MYEF2: variants seen among roughly 807,000 people sequenced by gnomAD.
MYEF2 encodes myelin expression factor 2, also known as myelin gene expression factor 2.
MYEF2 carries 37 observed loss-of-function variants against 75.2 expected under a neutral mutation model. That is an observed-to-expected ratio of 0.49 (90% CI 0.38 to 0.65). MYEF2 has a LOEUF of 0.65. MYEF2 is among the 30% of genes least tolerant of loss of function. The pLI, the probability that MYEF2 is intolerant of heterozygous loss-of-function variation, is 0.00. For missense variants in MYEF2, 634 were observed against 771.4 expected, an observed-to-expected ratio of 0.82 and a Z score of 2.11; for synonymous variants, 195 against 241.6, an observed-to-expected ratio of 0.81 and a Z score of 1.79.
At chr15:48,151,649 T>C in intron 12 of MYEF2, 78 bp from the exon 13 acceptor site, 1 of 1,380,848 alleles carries the variant, frequency 7.2e-7, no homozygotes, top group East Asian at 2.3e-5. Context: ...GTATCTAAAT[T>C]ATGAAAAGAC....
In MYEF2 at chr15:48,168,848, TA is replaced by T; in HGVS notation, c.162-10del. On this transcript the variant is annotated splice_polypyrimidine_tract_variant and intron_variant, in intron 1 of 16. Coordinates refer to ENST00000324324, the MANE Select transcript of MYEF2 (RefSeq NM_016132.5). ...CTGATTCATCATTCTCCCTGTGAATTAAAAAAAGTCAAACAAACAAAAACCC... is the reference window on the plus strand; with the variant it reads ...CTGATTCATCATTCTCCCTGTGAATTAAAAAAGTCAAACAAACAAAAACCC... The T allele has an allele frequency of 1.2e-6, 2 of 1,600,102 alleles. No individual in the cohort carries two copies. Among genetic ancestry groups the T allele is most frequent in the Non-Finnish European group, 1.7e-6 (2 of 1,171,442 alleles).
Position 48,136,752 on chromosome 15 carries a change from T to C in MYEF2, c.*6156A>G. The C allele has an allele frequency of 1.9e-6, 3 of 1,613,580 alleles. No homozygotes were observed. Among genetic ancestry groups the C allele is most frequent in the Non-Finnish European group, 2.5e-6 (3 of 1,179,758 alleles). On this transcript the variant is annotated 3_prime_UTR_variant, in exon 17 of 17. Coordinates refer to ENST00000324324, the MANE Select transcript of MYEF2 (RefSeq NM_016132.5). Reference sequence around the variant, plus strand: ...TGGTGCTGTGTTTTGACATTAAAATTAACCAATATATTATAAAGAAATGCA... The same window carrying C: ...TGGTGCTGTGTTTTGACATTAAAATCAACCAATATATTATAAAGAAATGCA...
chr15:48,135,213 C>T lies in MYEF2; in HGVS notation c.*7695G>A, dbSNP rs1375330454. The T allele has an allele frequency of 8.5e-6, 3 of 354,332 alleles. No homozygotes were observed. In the Admixed American group the frequency reaches 1.2e-4, roughly 15 times the overall value. The allele number at this position is 354,332 out of a possible 1,614,324, so 21.9% of individuals were successfully genotyped here. Reference sequence around the variant, plus strand: ...GTCTCCTTTTTTCTCTCACTAGTCACTGGAGACCACCACTTTTCCTTCTCC... The same window carrying T: ...GTCTCCTTTTTTCTCTCACTAGTCATTGGAGACCACCACTTTTCCTTCTCC... On this transcript the variant is annotated 3_prime_UTR_variant, in exon 17 of 17. Transcript: ENST00000324324.
Position 48,141,911 on chromosome 15 carries a change from A to ATTTTT in MYEF2, c.*996_*997insAAAAA. On this transcript the variant is annotated 3_prime_UTR_variant, in exon 17 of 17. Coordinates refer to ENST00000324324, the MANE Select transcript of MYEF2 (RefSeq NM_016132.5). ...ATTCAGTAAGACTTTTGCTCTAACA[A>ATTTTT]CAATTTTTCAAAACGAATCAACAAC... 1.3e-6 allele frequency: 1 copy of ATTTTT among 746,376 alleles called. No individual in the cohort carries two copies. Among genetic ancestry groups the ATTTTT allele is most frequent in the Admixed American group, 2.7e-5 (1 of 36,920 alleles). The allele number at this position is 746,376 out of a possible 1,614,324, so 46.2% of individuals were successfully genotyped here.
chr15:48,139,357 A>G lies in MYEF2; in HGVS notation c.*3551T>C, dbSNP rs2038984423. On this transcript the variant is annotated 3_prime_UTR_variant, in exon 17 of 17. Transcript: ENST00000324324. ...GATCACTGGAGTTTGTGAGTTGCAT[A>G]TTATATATAAACTGTATTTTCCACT... is the stretch of plus-strand genomic sequence containing the variant. 3.8e-6 allele frequency: 2 copies of G among 528,712 alleles called. No homozygotes were observed. Among genetic ancestry groups the G allele is most frequent in the Non-Finnish European group, 6.7e-6 (2 of 296,966 alleles). The allele number at this position is 528,712 out of a possible 1,614,324, so 32.8% of individuals were successfully genotyped here.
chr15:48,168,484 A>G, intron 2 of MYEF2, 147 bp downstream of exon 2: 1 of 644,792 alleles, frequency 1.6e-6, no homozygotes, highest in Non-Finnish European at 2.6e-6. Context: ...GTCAAGAGAA[A>G]GAAGAGGAAA....
Position 48,149,688 on chromosome 15 carries a change from T to A in MYEF2, c.1379-317A>T, listed in dbSNP as rs1042317506. The A allele has an allele frequency of 5.9e-6, 1 of 168,664 alleles. No individual in the cohort carries two copies. The highest frequency in any genetic ancestry group is 1.3e-5 in the Non-Finnish European group (1 of 79,430). 10.4% of individuals were successfully genotyped at this position (168,664 alleles called of 1,614,324 possible). A position where few individuals can be genotyped will look rare whatever the true frequency, so the allele number is the denominator to read the frequency against. On this transcript the variant is annotated intron_variant, in intron 14 of 16. Transcript: ENST00000324324. The surrounding 1 kb of genome is among the most constrained non-coding windows in gnomAD (Gnocchi z 4.0). ...GATCACTAAATATATCATATAAATA[T>A]ATAAATCCTCTACCAATCACTGCTT...
chr15:48,172,431 C>A (rs1166421042), intron 1 of MYEF2, among the ~76,000 whole-genome samples: 1 of 146,488 alleles, frequency 6.8e-6, no homozygotes, highest in African/African-American at 2.5e-5. Context: ...AGATCTCCAA[C>A]AACCTAACTT....
rs933045942 is a variant in MYEF2 at position 48,137,375 on chromosome 15, C to T, written c.*5533G>A. 1.3e-5 allele frequency: 2 copies of T among 159,982 alleles called. No individual in the cohort carries two copies. Among genetic ancestry groups the T allele is most frequent in the African/African-American group, 4.8e-5 (2 of 41,502 alleles). The allele number at this position is 159,982 out of a possible 1,614,324, so 9.9% of individuals were successfully genotyped here. A position where few individuals can be genotyped will look rare whatever the true frequency, so the allele number is the denominator to read the frequency against. ...TTCCATAAATGATGCAGAGATAAAACACATAGAGCACAGTATGTGCATAGG... is the reference window on the plus strand; with the variant it reads ...TTCCATAAATGATGCAGAGATAAAATACATAGAGCACAGTATGTGCATAGG... On this transcript the variant is annotated 3_prime_UTR_variant, in exon 17 of 17. Transcript: ENST00000324324.
intron 5 of MYEF2, among the ~76,000 whole-genome samples, chr15:48,165,514 T>A (rs937579836): frequency 1.3e-5 from 2 of 152,068 alleles, no homozygotes; most frequent in African/African-American, 4.8e-5. Context: ...GTAACTCTGA[T>A]AAAAAGTGAA....
Position 48,142,309 on chromosome 15 carries a change from T to C in MYEF2, c.*599A>G, listed in dbSNP as rs1191354373. 6.2e-7 allele frequency: 1 copy of C among 1,609,586 alleles called. No individual in the cohort carries two copies. Among genetic ancestry groups the C allele is most frequent in the Admixed American group, 1.7e-5 (1 of 59,414 alleles). On this transcript the variant is annotated 3_prime_UTR_variant, in exon 17 of 17. Transcript: ENST00000324324. Reference sequence around the variant, plus strand: ...CTACATTATCAGTTCTATATGAACTTGGAATTATTGGAAATAATAAAATAA... The same window carrying C: ...CTACATTATCAGTTCTATATGAACTCGGAATTATTGGAAATAATAAAATAA...
At chr15:48,163,320 G>C (rs1383994429) in intron 5 of MYEF2, among the ~76,000 whole-genome samples, 1 of 152,146 alleles carries the variant, frequency 6.6e-6, no homozygotes, top group Non-Finnish European at 1.5e-5. Context: ...GAAGATCAAA[G>C]CACCCTCATC....
chr15:48,161,679 T>C (rs1268573375), intron 5 of MYEF2, among the ~76,000 whole-genome samples: 2 of 151,260 alleles, frequency 1.3e-5, no homozygotes, highest in African/African-American at 4.8e-5. Flanking sequence ...GCATCCAATA[T>C]TATATGGAAG....
At position 48,178,277 on chromosome 15, in the gene MYEF2, G is replaced by A. The variant is rs1027720392; in HGVS notation, c.-40C>T. 5.6e-5 allele frequency: 76 copies of A among 1,366,130 alleles called. No homozygotes were observed. The South Asian group carries it at 7.4e-4, about 13-fold the overall frequency. The allele number at this position is 1,366,130 out of a possible 1,614,324, so 84.6% of individuals were successfully genotyped here. A position where few individuals can be genotyped will look rare whatever the true frequency, so the allele number is the denominator to read the frequency against. The stretch of plus-strand genomic sequence containing the variant: ...CTCCGCCTCGGCCGCCTGAGCTGAG[G>A]GGCTCCGAGCGCGACAATGGCGGCT... On this transcript the variant is annotated 5_prime_UTR_variant, in exon 1 of 17. Transcript: ENST00000324324.
Position 48,178,243 on chromosome 15 carries a change from C to T in MYEF2, c.-6G>A. The T allele has an allele frequency of 7.2e-7, 1 of 1,388,092 alleles. No individual in the cohort carries two copies. Among genetic ancestry groups the T allele is most frequent in the Non-Finnish European group, 9.3e-7 (1 of 1,076,038 alleles). 86.0% of individuals were successfully genotyped at this position (1,388,092 alleles called of 1,614,324 possible). On this transcript the variant is annotated 5_prime_UTR_variant, in exon 1 of 17. Coordinates refer to ENST00000324324, the MANE Select transcript of MYEF2 (RefSeq NM_016132.5). ...GCCTTGTTGGCGTCCGCCATCCCGC[C>T]GCCGCTGCCTCCGCCTCGGCCGCCT...
chr15:48,177,302 G>A (rs2040567885), intron 1 of MYEF2, among the ~76,000 whole-genome samples: 1 of 151,812 alleles, frequency 6.6e-6, no homozygotes, highest in Non-Finnish European at 1.5e-5. Flanking sequence ...AGGCACTGGT[G>A]ACAGCTGCGA....
intron 16 of MYEF2, 143 bp from the exon 17 acceptor site, chr15:48,143,214 T>C (rs1322149531): frequency 4.5e-6 from 2 of 445,836 alleles, no homozygotes; most frequent in Non-Finnish European, 7.3e-6. Flanking sequence ...ATAAGCATTA[T>C]ATTTGGACTA....
intron 10 of MYEF2, chr15:48,153,539 A>T (rs1399351525): frequency 5.3e-6 from 2 of 374,142 alleles, no homozygotes; most frequent in Non-Finnish European, 9.9e-6. Flanking sequence ...TGCCTTCAAG[A>T]CATTTCAAAA....
intron 11 of MYEF2, 86 bp downstream of exon 11, chr15:48,152,148 T>A: frequency 7.3e-7 from 1 of 1,361,450 alleles, no homozygotes; most frequent in South Asian, 1.2e-5. Context: ...AAACCATGAC[T>A]TTTTTTTCAT....
Sources: gnomAD v4.1 joint callset for allele counts (sites outside exome capture counted in the v4.1 genomes callset) on GRCh38, gnomAD v4.1.1 for gene constraint, Gnocchi (gnomAD v3.1) non-coding constraint, MANE v1.5 for transcripts, NCBI Gene and HGNC (gene_info 2026-07-23, HGNC 2026-07-21) for gene names.